PUDP: variants seen among roughly 807,000 people sequenced by gnomAD.
PUDP encodes the protein pseudouridine-5'-phosphatase.
PUDP carries 8 observed loss-of-function variants against 9.4 expected under a neutral mutation model. The observed-to-expected ratio is 0.85, with a 90% CI of 0.50 to 1.53. PUDP has a LOEUF of 1.53. Ranked by LOEUF, PUDP falls within the 40% of genes most tolerant of loss-of-function variation. The probability of loss-of-function intolerance (pLI) is 0.00; values close to 1 mark genes in which losing one functional copy is unlikely to be tolerated. For synonymous variants in PUDP, 99 were observed against 80.7 expected (o/e 1.23, Z -1.22); for missense variants, 188 against 189.7 (o/e 0.99, Z 0.05).
intron 3 of PUDP, among the ~76,000 whole-genome samples, chrX:6,887,101 TATATA>T (rs543603744): frequency 5.5e-4 from 54 of 98,905 alleles, no homozygotes; most frequent in East Asian, 3.7e-3. Context: ...TTATATATAA[TATATA>T]ATATATTATA....
At chrX:7,130,337 G>C (rs1463005818) in intron 1 of PUDP, among the ~76,000 whole-genome samples, 3 of 107,801 alleles carry the variant, frequency 2.8e-5, no homozygotes, top group African/African-American at 1.0e-4. Flanking sequence ...TAGGGATCCA[G>C]AGCTGCTCCC....
chrX:6,726,955 TA>T (rs1924746226), intron 3 of PUDP, among the ~76,000 whole-genome samples: 1 of 112,223 alleles, frequency 8.9e-6, no homozygotes, highest in Non-Finnish European at 1.9e-5. Context: ...CTTTAAAGTC[TA>T]AATAATTCCA....
chrX:7,057,815 G>A (rs1930288443), intron 3 of PUDP: 1 of 1,143,148 alleles, frequency 8.7e-7, no homozygotes, highest in South Asian at 1.9e-5. Flanking sequence ...GAGGTCTATG[G>A]ATGGAGCTCT....
At chrX:6,986,319 C>G (rs190475866) in intron 1 of PUDP, among the ~76,000 whole-genome samples, 3 of 111,776 alleles carry the variant, frequency 2.7e-5, no homozygotes, top group Non-Finnish European at 5.6e-5. Context: ...CTTTTGGGGT[C>G]TGGATCCGGA....
rs750469514 is a variant in PUDP, at chrX:7,014,668, T to TA, written c.205-36326dup. ...TCAAAACTGTATTAGATGCTAGAAA[T>TA]ACAAAGATGAGTAAGACATTATTAA... On this transcript the variant is annotated intron_variant and NMD_transcript_variant, in intron 1 of 3. Transcript: ENST00000655425. Among the ~76,000 whole-genome samples the TA allele has an allele frequency of 2.5e-4, 28 of 111,927 alleles. 2 individuals are homozygous for TA. Among genetic ancestry groups the TA allele is most frequent in the Admixed American group, 2.2e-3 (23 of 10,565 alleles).
chrX:6,844,942 C>G (rs778988293), intron 3 of PUDP, among the ~76,000 whole-genome samples: 3 of 112,302 alleles, frequency 2.7e-5, no homozygotes, highest in Non-Finnish European at 5.6e-5. Flanking sequence ...AATGTCCCAG[C>G]TCAAGAAGAG....
chrX:6,744,281 G>A (rs755444933), intron 3 of PUDP, among the ~76,000 whole-genome samples: 9 of 112,056 alleles, frequency 8.0e-5, no homozygotes, highest in Non-Finnish European at 1.5e-4. Flanking sequence ...ATGCTTTACA[G>A]GTAATTCTGT....
At chrX:6,982,259 A>G (rs772643120) in intron 1 of PUDP, among the ~76,000 whole-genome samples, 1 of 112,160 alleles carries the variant, frequency 8.9e-6, no homozygotes, top group South Asian at 3.7e-4. Flanking sequence ...ATATAAAATA[A>G]ACTCACCCAG....
At chrX:7,062,887 ATTTTTTTT>A (rs199914841) in intron 3 of PUDP, among the ~76,000 whole-genome samples, 96 of 79,691 alleles carry the variant, frequency 1.2e-3, no homozygotes, top group Middle Eastern at 0.014. Context: ...TGACTGCTTA[ATTTTTTTT>A]TTTTTTTTTT....
At chrX:6,858,831 G>T (rs1175988514) in intron 3 of PUDP, among the ~76,000 whole-genome samples, 2 of 111,365 alleles carry the variant, frequency 1.8e-5, no homozygotes, top group Non-Finnish European at 3.8e-5. Context: ...TAACTTGTGG[G>T]GTCTGAGCTA....
At chrX:7,072,085 G>GT (rs1476006622) in intron 3 of PUDP, among the ~76,000 whole-genome samples, 2 of 111,991 alleles carry the variant, frequency 1.8e-5, no homozygotes, top group African/African-American at 6.5e-5. Context: ...ACCACCACCT[G>GT]TAAGACTGTA....
At chrX:6,713,931 T>G (rs1027274737) in intron 1 of PUDP, among the ~76,000 whole-genome samples, 2 of 111,313 alleles carry the variant, frequency 1.8e-5, no homozygotes, top group African/African-American at 6.5e-5. Flanking sequence ...AGGGTCTTGC[T>G]CTGTCACCCA....
intron 3 of PUDP, among the ~76,000 whole-genome samples, chrX:6,730,128 G>T (rs989254513): frequency 1.8e-5 from 2 of 111,662 alleles, no homozygotes; most frequent in Admixed American, 1.9e-4. Context: ...CCTGACCTTT[G>T]ACAAATCTCC....
chrX:6,875,709 A>G (rs1927242975), intron 3 of PUDP, among the ~76,000 whole-genome samples: 1 of 111,490 alleles, frequency 9.0e-6, no homozygotes, highest in Non-Finnish European at 1.9e-5. Flanking sequence ...GTGTTAAGAC[A>G]ATGCCTGATT....
chrX:7,043,625 C>A (rs1321960239), intron 1 of PUDP, among the ~76,000 whole-genome samples: 1 of 111,657 alleles, frequency 9.0e-6, no homozygotes, highest in Non-Finnish European at 1.9e-5. Context: ...TTGCCTGAAT[C>A]TGAGAACTTC....
At chrX:7,043,527 C>CT (rs1929949096) in intron 1 of PUDP, among the ~76,000 whole-genome samples, 1 of 111,811 alleles carries the variant, frequency 8.9e-6, no homozygotes, top group Admixed American at 9.5e-5. Flanking sequence ...AAATAAACCT[C>CT]TTTTTTTAAT....
intron 3 of PUDP, among the ~76,000 whole-genome samples, chrX:6,872,306 C>G (rs57145272): frequency 1.3e-4 from 15 of 111,535 alleles, no homozygotes; most frequent in African/African-American, 4.6e-4. Flanking sequence ...TTTATGCATA[C>G]CTTGGTATCC....
intron 3 of PUDP, among the ~76,000 whole-genome samples, chrX:6,858,872 G>T (rs1004768461): frequency 2.7e-5 from 3 of 111,560 alleles, no homozygotes; most frequent in Non-Finnish European, 3.8e-5. Context: ...AAGCTGAATG[G>T]CAGTACACTC....
At chrX:6,806,660 G>A (rs1307986549) in intron 3 of PUDP, among the ~76,000 whole-genome samples, 2 of 111,296 alleles carry the variant, frequency 1.8e-5, no homozygotes, top group Non-Finnish European at 3.8e-5. Context: ...CTTTTAGGTT[G>A]GAAGGGGAGC....
Sources: gnomAD v4.1 joint callset for allele counts (sites outside exome capture counted in the v4.1 genomes callset) on GRCh38, gnomAD v4.1.1 for gene constraint, MANE v1.5 for transcripts, NCBI Gene and HGNC (gene_info 2026-07-23, HGNC 2026-07-21) for gene names.